VRK2: variants seen among roughly 807,000 people sequenced by gnomAD.
VRK2 encodes serine/threonine-protein kinase VRK2.
In VRK2, 60 loss-of-function variants were observed where a neutral mutation model predicts 57.6. The observed-to-expected ratio is 1.04, with a 90% CI of 0.85 to 1.29. The LOEUF is 1.29. VRK2 is among the 50% of genes most tolerant of loss of function. The probability of loss-of-function intolerance (pLI) is 0.00; values close to 1 mark genes in which losing one functional copy is unlikely to be tolerated. For missense variants in VRK2, 705 were observed against 588.1 expected (o/e 1.20, Z -2.06); for synonymous variants, 231 against 199.2 (o/e 1.16, Z -1.35).
At chr2:58,144,767 T>C (rs1038186906) in intron 11 of VRK2, among the ~76,000 whole-genome samples, 2 of 151,978 alleles carry the variant, frequency 1.3e-5, no homozygotes, top group Non-Finnish European at 2.9e-5. Context: ...AAATAAAGAA[T>C]TCCTGCATGA....
intron 1 of VRK2, among the ~76,000 whole-genome samples, chr2:57,935,549 C>G (rs573679720): frequency 2.0e-5 from 3 of 152,110 alleles, no homozygotes; most frequent in African/African-American, 7.2e-5. Flanking sequence ...GAGTGAGACA[C>G]ATGGAGTTTT....
intron 1 of VRK2, among the ~76,000 whole-genome samples, chr2:57,963,361 A>G (rs779640886): frequency 1.4e-4 from 22 of 152,236 alleles, no homozygotes; most frequent in Non-Finnish European, 2.8e-4. Context: ...GTATTTAGGC[A>G]ATAGTACTTT....
chr2:58,057,948 T>C (rs1446201502), intron 2 of VRK2, among the ~76,000 whole-genome samples: 1 of 151,924 alleles, frequency 6.6e-6, no homozygotes, highest in Non-Finnish European at 1.5e-5. Context: ...CAAAACAGTG[T>C]AGGAAAAATC....
chr2:58,033,779 G>A lies in VRK2; in HGVS notation c.-6+226G>A, dbSNP rs976211021. ...TTTGATTCTTCAAAGAAGCTATGTAGTCTAAACTATAGGATCTTTCCTGAA... is the reference window on the plus strand; with the variant it reads ...TTTGATTCTTCAAAGAAGCTATGTAATCTAAACTATAGGATCTTTCCTGAA... On this transcript the variant is annotated intron_variant, in intron 3 of 15. Transcript: ENST00000417641. 4 of 151,904 alleles carry A rather than the reference G, an allele frequency of 2.6e-5. No individual in the cohort carries two copies. In the East Asian group the frequency reaches 7.7e-4, roughly 29 times the overall value. The allele number at this position is 151,904 out of a possible 1,614,324, so 9.4% of individuals were successfully genotyped here. A position where few individuals can be genotyped will look rare whatever the true frequency, so the allele number is the denominator to read the frequency against.
At chr2:58,132,001 C>T (rs559504160) in intron 9 of VRK2, 73 bp downstream of exon 9, 1 of 1,552,188 alleles carries the variant, frequency 6.4e-7, no homozygotes, top group African/African-American at 1.4e-5. Context: ...GCTAACAACA[C>T]AGAGAAGATT....
In VRK2 at chr2:58,012,760, T is replaced by C. The variant is rs564367612; in HGVS notation, c.-438-12905T>C. ...AAGAATTTAGACACTCTGTGCCAGG[T>C]ATAAAAAGGACAAAGACCAAATCTA... On this transcript the variant is annotated intron_variant, in intron 1 of 15. Coordinates refer to the VRK2 transcript ENST00000417641. Among the ~76,000 whole-genome samples the C allele has an allele frequency of 7.2e-5, 11 of 152,318 alleles. No individual in the cohort carries two copies. The South Asian group carries it at 2.3e-3, about 32-fold the overall frequency.
chr2:57,933,254 G>T (rs1430909032), intron 1 of VRK2, among the ~76,000 whole-genome samples: 1 of 147,076 alleles, frequency 6.8e-6, no homozygotes, highest in Non-Finnish European at 1.5e-5. Context: ...ATTGTTGAAA[G>T]TTGGGTGTTG....
chr2:58,107,674 T>A (rs989341419), intron 7 of VRK2, among the ~76,000 whole-genome samples: 1 of 152,198 alleles, frequency 6.6e-6, no homozygotes, highest in Admixed American at 6.5e-5. Flanking sequence ...AGACCTCATT[T>A]TGAGAGCTGT....
intron 1 of VRK2, among the ~76,000 whole-genome samples, chr2:57,993,148 T>C (rs547290920): frequency 6.6e-6 from 1 of 152,346 alleles, no homozygotes; most frequent in Admixed American, 6.5e-5. Context: ...CCACAAGACA[T>C]TTCCTGGGAA....
intron 2 of VRK2, among the ~76,000 whole-genome samples, chr2:58,061,451 G>GA (rs1048616988): frequency 4.0e-5 from 6 of 151,778 alleles, no homozygotes; most frequent in Non-Finnish European, 7.4e-5. Flanking sequence ...AACTACATTG[G>GA]AAAAAAAGTC....
intron 7 of VRK2, among the ~76,000 whole-genome samples, chr2:58,121,760 T>TA (rs564596068): frequency 2.6e-5 from 4 of 152,242 alleles, no homozygotes; most frequent in Non-Finnish European, 5.9e-5. Flanking sequence ...CATTATGAAA[T>TA]ACTGCCTAAA....
intron 2 of VRK2, among the ~76,000 whole-genome samples, chr2:58,053,945 A>G (rs1396890408): frequency 1.3e-5 from 2 of 152,180 alleles, no homozygotes; most frequent in African/African-American, 4.8e-5. Context: ...GAAGGTATAA[A>G]TAATAGGTAA....
At chr2:58,079,072 T>C (rs1670511495) in intron 2 of VRK2, among the ~76,000 whole-genome samples, 1 of 152,166 alleles carries the variant, frequency 6.6e-6, no homozygotes, top group African/African-American at 2.4e-5. Context: ...GCAAAGAGGT[T>C]GACACTTTTG....
rs146293558 is a variant in VRK2, at chr2:57,982,413, A to G, written c.-438-43252A>G. ...CCCTGCATGCAAAAGCACTAGTGTC[A>G]CTTCACCAAAGTGACTGAAGCAGGC... On this transcript the variant is annotated intron_variant, in intron 1 of 15. Transcript: ENST00000417641. 6.2e-4 allele frequency among the ~76,000 whole-genome samples: 94 copies of G among 152,302 alleles called. 2 individuals carry two copies. In the East Asian group the frequency reaches 0.013, roughly 20 times the overall value.
intron 1 of VRK2, among the ~76,000 whole-genome samples, chr2:57,958,343 G>A (rs888840656): frequency 2.6e-5 from 4 of 151,808 alleles, no homozygotes; most frequent in African/African-American, 9.7e-5. Flanking sequence ...CTTCTAAGCT[G>A]GAACCAAGGC....
chr2:58,015,224 T>C (rs577523220), intron 1 of VRK2, among the ~76,000 whole-genome samples: 1 of 152,342 alleles, frequency 6.6e-6, no homozygotes, highest in Non-Finnish European at 1.5e-5. Context: ...GCCATCATTT[T>C]TCATCTTAGG....
chr2:58,123,175 T>C lies in VRK2; in HGVS notation c.618T>C (p.Pro206=), dbSNP rs1482752536. The change falls in exon 8 of 13, where the codon CCT becomes CCC. Residue 206 remains proline, a synonymous_variant. Transcript: ENST00000340157. ...ACCACAAACAGTATCAGGAAAATCC[T>C]AGAAAAGGCCATAATGGGACAATAG... ...NGNHKQYQEN[P]RKGHNGTIEF... The C allele has an allele frequency of 1.3e-6, 2 of 1,596,056 alleles. No individual in the cohort carries two copies. The highest frequency in any genetic ancestry group is 1.4e-5 in the African/African-American group (1 of 73,194).
At chr2:58,121,910 A>C (rs1005966426) in intron 7 of VRK2, among the ~76,000 whole-genome samples, 2 of 152,234 alleles carry the variant, frequency 1.3e-5, no homozygotes, top group African/African-American at 4.8e-5. Flanking sequence ...TGTCTAGTCA[A>C]AACACTTCTC....
intron 1 of VRK2, among the ~76,000 whole-genome samples, chr2:57,913,410 TC>T (rs1178109892): frequency 1.1e-4 from 16 of 152,182 alleles, no homozygotes; most frequent in Non-Finnish European, 5.9e-5. Context: ...TATTTCCTCA[TC>T]AAAAGATTAT....
Sources: gnomAD v4.1 joint callset for allele counts (sites outside exome capture counted in the v4.1 genomes callset) on GRCh38, gnomAD v4.1.1 for gene constraint, MANE v1.5 for transcripts, NCBI Gene and HGNC (gene_info 2026-07-23, HGNC 2026-07-21) for gene names.